PCDHGA1: variants seen among roughly 807,000 people sequenced by gnomAD.
PCDHGA1 encodes the protein protocadherin gamma subfamily A, 1, also known as protocadherin gamma-A1.
A neutral mutation model predicts 58.0 loss-of-function variants in PCDHGA1; 32 were observed. The observed-to-expected ratio is 0.55, with a 90% confidence interval of 0.42 to 0.74. The LOEUF (loss-of-function observed/expected upper bound fraction) is 0.74. Among genes scored for constraint, PCDHGA1 ranks in the 30% least tolerant of loss-of-function variants. PCDHGA1 has a pLI of 0.00. For synonymous variants in PCDHGA1, 498 were observed against 501.1 expected (o/e 0.99, Z 0.08); for missense variants, 1,205 against 1,182.3 (o/e 1.02, Z -0.28).
intron 1 of PCDHGA1, chr5:141,391,083 G>C (rs974357992): frequency 1.3e-5 from 2 of 152,152 alleles, no homozygotes; most frequent in Non-Finnish European, 2.9e-5. Flanking sequence ...ATGTGTAACT[G>C]CCTTATCTGC....
intron 1 of PCDHGA1, among the ~76,000 whole-genome samples, chr5:141,449,708 A>G (rs2098652470): frequency 6.6e-6 from 1 of 151,418 alleles, no homozygotes; most frequent in African/African-American, 2.4e-5. Context: ...CAAACACATT[A>G]TTTTTATATG....
At chr5:141,470,511 A>T (rs1043414941) in intron 1 of PCDHGA1, among the ~76,000 whole-genome samples, 37 of 152,198 alleles carry the variant, frequency 2.4e-4, no homozygotes, top group African/African-American at 8.7e-4. Flanking sequence ...TTAGACAGTT[A>T]GCTAATATTA....
In PCDHGA1 at chr5:141,511,070, G is replaced by A. The variant is rs1341623011; in HGVS notation, c.2693G>A (p.Gly898Asp). ...PDYRQNVYIP[G>D]SNATLTNAAG... ...TACCGCCAGAATGTCTACATCCCAG[G>A]CAGCAATGCCACACTGACCAACGCA... The change falls in exon 4 of 4, where the codon GGC (glycine) becomes GAC (aspartate). Residue 898 changes from glycine to aspartate, a missense_variant. Physicochemically the swap from Gly to Asp is moderately conservative, Grantham distance 94 (BLOSUM62 -1). Transcript: ENST00000517417. 2.5e-6 allele frequency: 4 copies of A among 1,614,218 alleles called. No homozygotes were observed. Among genetic ancestry groups the A allele is most frequent in the Admixed American group, 1.7e-5 (1 of 60,030 alleles).
chr5:141,365,591 A>C (rs1341115050), intron 1 of PCDHGA1: 1 of 1,613,546 alleles, frequency 6.2e-7, no homozygotes, highest in African/African-American at 1.3e-5. Context: ...TTATAATATC[A>C]CTTTAACCGT....
At chr5:141,441,764 C>T (rs1407504024) in intron 1 of PCDHGA1, 1 of 384,478 alleles carries the variant, frequency 2.6e-6, no homozygotes, top group South Asian at 2.1e-5. Context: ...TGAGCCTGCG[C>T]GTGTTGGTGG....
At chr5:141,354,146 G>A in intron 1 of PCDHGA1, among the ~76,000 whole-genome samples, 1 of 152,182 alleles carries the variant, frequency 6.6e-6, no homozygotes, top group Admixed American at 6.5e-5. Context: ...AATACTGAAT[G>A]TGTCATGTGA....
Position 141,487,904 on chromosome 5 carries a change from G to A in PCDHGA1, c.2422-6903G>A, listed in dbSNP as rs1229814755. On this transcript the variant is annotated intron_variant, in intron 1 of 3. Coordinates refer to ENST00000517417, the MANE Select transcript of PCDHGA1 (RefSeq NM_018912.3). The surrounding 1 kb of genome is among the most constrained non-coding windows in gnomAD (Gnocchi z 5.0). ...TGTGGAAGCATGATGATGGAATGTG[G>A]GAGCACAGGAGGCTACAGTGCACAG... 8.8e-6 allele frequency: 6 copies of A among 685,686 alleles called. No individual in the cohort carries two copies. The highest frequency in any genetic ancestry group is 1.5e-5 in the Non-Finnish European group (6 of 410,118). 42.5% of individuals were successfully genotyped at this position (685,686 alleles called of 1,614,324 possible). A position where few individuals can be genotyped will look rare whatever the true frequency, so the allele number is the denominator to read the frequency against.
chr5:141,401,836 A>G (rs1400731084), intron 1 of PCDHGA1, among the ~76,000 whole-genome samples: 3 of 152,204 alleles, frequency 2.0e-5, no homozygotes, highest in Admixed American at 1.3e-4. Flanking sequence ...GATTTCTTAT[A>G]ATACCACTTA....
intron 1 of PCDHGA1, chr5:141,420,202 C>G: frequency 1.2e-6 from 2 of 1,613,256 alleles, no homozygotes; most frequent in Non-Finnish European, 1.7e-6. Context: ...AAGATAACCT[C>G]AACAAAGATA....
intron 1 of PCDHGA1, among the ~76,000 whole-genome samples, chr5:141,437,923 A>G (rs893873818): frequency 2.0e-5 from 3 of 152,110 alleles, no homozygotes; most frequent in African/African-American, 7.2e-5. Context: ...TTTTTAGTAG[A>G]GATGGGGTTT....
At chr5:141,422,044 G>C in intron 1 of PCDHGA1, 1 of 1,611,530 alleles carries the variant, frequency 6.2e-7, no homozygotes, top group Admixed American at 1.7e-5. Flanking sequence ...TCCAGACGAG[G>C]GAATCAACGG....
intron 1 of PCDHGA1, chr5:141,390,423 C>T: frequency 9.4e-7 from 1 of 1,058,546 alleles, no homozygotes; most frequent in Non-Finnish European, 1.3e-6. Context: ...AGTTAAAAAG[C>T]TGTCATATCA....
intron 1 of PCDHGA1, chr5:141,375,368 A>C: frequency 1.2e-6 from 2 of 1,613,872 alleles, no homozygotes; most frequent in Non-Finnish European, 1.7e-6. Flanking sequence ...GGACAAAGGA[A>C]CACCACCTCT....
chr5:141,355,714 C>A, intron 1 of PCDHGA1: 1 of 1,614,048 alleles, frequency 6.2e-7, no homozygotes, highest in East Asian at 2.2e-5. Flanking sequence ...GGGTTACCAG[C>A]TCAACTCAAA....
At chr5:141,336,400 A>C (rs767722851) in intron 1 of PCDHGA1, among the ~76,000 whole-genome samples, 1 of 152,198 alleles carries the variant, frequency 6.6e-6, no homozygotes, top group Non-Finnish European at 1.5e-5. Flanking sequence ...ATAAAAAACA[A>C]AAGCAAAATA....
intron 1 of PCDHGA1, among the ~76,000 whole-genome samples, chr5:141,483,648 TTGTGTGTG>T (rs111458813): frequency 6.7e-6 from 1 of 149,592 alleles, no homozygotes; most frequent in Non-Finnish European, 1.5e-5. Flanking sequence ...GGGTGTGTGT[TTGTGTGTG>T]TGTGTGTGTG....
chr5:141,404,754 A>G, intron 1 of PCDHGA1: 1 of 1,612,286 alleles, frequency 6.2e-7, no homozygotes, highest in Non-Finnish European at 8.5e-7. Flanking sequence ...TCAGGCCAGA[A>G]TGCTTGGCTC....
At chr5:141,510,509 C>G (rs146315792) in intron 3 of PCDHGA1, among the ~76,000 whole-genome samples, 13 of 152,204 alleles carry the variant, frequency 8.5e-5, no homozygotes, top group Non-Finnish European at 1.6e-4. Flanking sequence ...ACTGAGAGCC[C>G]GTGTCACAGC....
Position 141,485,092 on chromosome 5 carries a change from G to C in PCDHGA1, c.2422-9715G>C, listed in dbSNP as rs2099606725. 3.8e-6 allele frequency: 4 copies of C among 1,065,492 alleles called. No homozygotes were observed. Among genetic ancestry groups the C allele is most frequent in the Non-Finnish European group, 5.6e-6 (4 of 708,358 alleles). The allele number at this position is 1,065,492 out of a possible 1,614,324, so 66.0% of individuals were successfully genotyped here. A position where few individuals can be genotyped will look rare whatever the true frequency, so the allele number is the denominator to read the frequency against. Reference sequence around the variant, plus strand: ...CTGGCGCGGGGAAAGGGAGATAGGTGTCTCCAGCTGCTGTGGCTGTTTGGG... The same window carrying C: ...CTGGCGCGGGGAAAGGGAGATAGGTCTCTCCAGCTGCTGTGGCTGTTTGGG... On this transcript the variant is annotated intron_variant, in intron 1 of 3. Coordinates refer to ENST00000517417, the MANE Select transcript of PCDHGA1 (RefSeq NM_018912.3). This position sits in a 1 kb window ranked among gnomAD's most constrained non-coding sequence, Gnocchi z 5.7.
Sources: allele counts gnomAD v4.1 joint callset (sites outside exome capture counted in the v4.1 genomes callset), GRCh38; gene constraint gnomAD v4.1.1; non-coding constraint Gnocchi (gnomAD v3.1); transcripts MANE v1.5; gene names NCBI Gene and HGNC (gene_info 2026-07-23, HGNC 2026-07-21).